MAPT: variants seen among roughly 807,000 people sequenced by gnomAD.
The protein encoded by MAPT is microtubule associated protein tau, also known as microtubule-associated protein tau.
In MAPT, 34 loss-of-function variants were observed where a neutral mutation model predicts 67.9. That is an observed-to-expected ratio of 0.50 (90% CI 0.38 to 0.67). The LOEUF (loss-of-function observed/expected upper bound fraction) is 0.67. Among genes scored for constraint, MAPT ranks in the 30% least tolerant of loss-of-function variants. The pLI, the probability that MAPT is intolerant of heterozygous loss-of-function variation, is 0.00. For synonymous variants in MAPT, 456 were observed against 464.5 expected (o/e 0.98, Z 0.23); for missense variants, 881 against 1,115.2 (o/e 0.79, Z 2.99).
chr17:45,956,593 TATATA>T (rs2069733782), intron 1 of MAPT, among the ~76,000 whole-genome samples: 1 of 14,384 alleles, frequency 7.0e-5, no homozygotes, highest in African/African-American at 1.5e-4. Context: ...TATATATATA[TATATA>T]TATTTTTTAT....
At chr17:45,909,149 T>C (rs533486823) in intron 1 of MAPT, among the ~76,000 whole-genome samples, 12 of 152,076 alleles carry the variant, frequency 7.9e-5, no homozygotes, top group South Asian at 4.2e-4. Flanking sequence ...TCTGTCGCCA[T>C]TGGGCAGCCC....
chr17:45,971,887 C>T lies in MAPT; in HGVS notation c.162C>T (p.Asp54=), dbSNP rs750428288. The T allele has an allele frequency of 1.2e-5, 19 of 1,613,896 alleles. No individual in the cohort carries two copies. The East Asian group carries it at 2.9e-4, about 25-fold the overall frequency. ...CTCCCCTGCAGACCCCCACTGAGGA[C>T]GGATCTGAGGAACCGGGCTCTGAAA... ...KESPLQTPTE[D]GSEEPGSETS... The change falls in exon 3 of 13, where the codon GAC becomes GAT. Residue 54 remains aspartate (D), a synonymous_variant. Transcript: ENST00000262410. The surrounding 1 kb of genome is among the most constrained non-coding windows in gnomAD (Gnocchi z 4.3).
intron 10 of MAPT, among the ~76,000 whole-genome samples, chr17:46,013,895 A>G: frequency 6.6e-6 from 1 of 152,112 alleles, no homozygotes; most frequent in Non-Finnish European, 1.5e-5. Flanking sequence ...TGACATTTTT[A>G]CACTTAAGCG....
intron 1 of MAPT, among the ~76,000 whole-genome samples, chr17:45,912,241 G>A (rs1353325767): frequency 6.6e-6 from 1 of 152,236 alleles, no homozygotes; most frequent in Non-Finnish European, 1.5e-5. Flanking sequence ...AATTGGCATA[G>A]GCTGCATAAT....
chr17:46,021,665 C>T (rs1351295117), intron 12 of MAPT, among the ~76,000 whole-genome samples: 2 of 152,208 alleles, frequency 1.3e-5, no homozygotes, highest in African/African-American at 4.8e-5. Context: ...ACCTACGTCC[C>T]GGGGTGGTTG....
At chr17:46,001,403 G>A (rs2074987314) in intron 9 of MAPT, among the ~76,000 whole-genome samples, 1 of 152,090 alleles carries the variant, frequency 6.6e-6, no homozygotes, top group South Asian at 2.1e-4. Flanking sequence ...TAGAAACAAA[G>A]ATAAGAGCAG....
At chr17:45,902,102 T>A (rs62056800) in intron 1 of MAPT, among the ~76,000 whole-genome samples, 21,812 of 151,926 alleles carry the variant, frequency 0.14, 2,137 homozygotes, top group Middle Eastern at 0.22. Flanking sequence ...TGAGACGGAG[T>A]CTCGCTCTAT....
intron 1 of MAPT, among the ~76,000 whole-genome samples, chr17:45,944,242 A>C (rs2068252742): frequency 6.6e-6 from 1 of 152,184 alleles, no homozygotes; most frequent in South Asian, 2.1e-4. Context: ...GCCCAGCCTC[A>C]ACAGCTAGCC....
intron 1 of MAPT, among the ~76,000 whole-genome samples, chr17:45,928,002 GAAAAAAA>G (rs35954789): frequency 9.1e-5 from 5 of 55,192 alleles, no homozygotes; most frequent in Non-Finnish European, 1.3e-4. Flanking sequence ...TCCGTCTCAG[GAAAAAAA>G]AAAAAAAAAA....
intron 1 of MAPT, among the ~76,000 whole-genome samples, chr17:45,903,922 T>C (rs1391060318): frequency 4.4e-5 from 1 of 22,482 alleles, no homozygotes; most frequent in Non-Finnish European, 7.4e-5. Context: ...TATATATTTA[T>C]ATATATTATA....
At chr17:45,999,639 G>A in intron 9 of MAPT, 1 of 1,608,698 alleles carries the variant, frequency 6.2e-7, no homozygotes, top group Middle Eastern at 1.7e-4. Flanking sequence ...TGAGGGGTGA[G>A]AGTCAGGCGA....
intron 6 of MAPT, among the ~76,000 whole-genome samples, chr17:45,989,347 C>T (rs1412740225): frequency 2.0e-5 from 3 of 152,110 alleles, no homozygotes; most frequent in Non-Finnish European, 2.9e-5. Flanking sequence ...TTTTTCATGT[C>T]CTCTTCTAAA....
At chr17:45,928,502 CG>C (rs1286198848) in intron 1 of MAPT, among the ~76,000 whole-genome samples, 1 of 152,136 alleles carries the variant, frequency 6.6e-6, no homozygotes, top group Non-Finnish European at 1.5e-5. Flanking sequence ...GGGCAAGGAC[CG>C]TACCACTGTA....
intron 5 of MAPT, among the ~76,000 whole-genome samples, chr17:45,985,046 G>A (rs901318709): frequency 6.6e-6 from 1 of 152,244 alleles, no homozygotes; most frequent in African/African-American, 2.4e-5. Context: ...GCTCACGCCT[G>A]TAATCTCAGC....
intron 1 of MAPT, 75 bp from the exon 2 acceptor site, chr17:45,962,246 G>C (rs2070512015): frequency 6.3e-6 from 8 of 1,263,392 alleles, no homozygotes; most frequent in Admixed American, 1.9e-5. Context: ...TGGGAGGAGA[G>C]GCTCCTCTCT....
In MAPT at chr17:46,010,528, G is replaced by C; in HGVS notation, c.2091+126G>C. ...TCTTGGGCTCTCAGGATCTGGCTGCGACCTCTGGGTGAATGTAGCCCGGCT... is the reference window on the plus strand; with the variant it reads ...TCTTGGGCTCTCAGGATCTGGCTGCCACCTCTGGGTGAATGTAGCCCGGCT... On this transcript the variant is annotated intron_variant, in intron 10 of 12. Transcript: ENST00000262410. The surrounding 1 kb of genome is among the most constrained non-coding windows in gnomAD (Gnocchi z 4.7). The C allele has an allele frequency of 1.3e-6, 1 of 756,996 alleles. No individual in the cohort carries two copies. The highest frequency in any genetic ancestry group is 2.7e-5 in the East Asian group (1 of 37,390). 46.9% of individuals were successfully genotyped at this position (756,996 alleles called of 1,614,324 possible). A position where few individuals can be genotyped will look rare whatever the true frequency, so the allele number is the denominator to read the frequency against.
chr17:45,922,998 G>A (rs1365422998), intron 1 of MAPT, among the ~76,000 whole-genome samples: 1 of 152,208 alleles, frequency 6.6e-6, no homozygotes, highest in African/African-American at 2.4e-5. Context: ...AACTCATCTT[G>A]TGTCTTCTTC....
chr17:45,989,170 G>A (rs1439133084), intron 6 of MAPT, among the ~76,000 whole-genome samples: 4 of 152,228 alleles, frequency 2.6e-5, no homozygotes, highest in Admixed American at 1.3e-4. Flanking sequence ...TTCAGACCCC[G>A]TGACACACTT....
Position 46,024,090 on chromosome 17 carries a change from C to T in MAPT, c.2421C>T (p.Gly807=), listed in dbSNP as rs531242177. 22 of 1,614,142 alleles carry T rather than the reference C, an allele frequency of 1.4e-5. No homozygotes were observed. The highest frequency in any genetic ancestry group is 2.2e-5 in the South Asian group (2 of 91,082). ...PRHLSNVSST[G]SIDMVDSPQL... Reference sequence around the variant, plus strand: ...ATCTCAGCAATGTCTCCTCCACCGGCAGCATCGACATGGTAGACTCGCCCC... The same window carrying T: ...ATCTCAGCAATGTCTCCTCCACCGGTAGCATCGACATGGTAGACTCGCCCC... Residue 807 remains glycine, a synonymous_variant, in exon 13 of 13, where the codon GGC becomes GGT. Coordinates refer to ENST00000262410, the MANE Select transcript of MAPT (RefSeq NM_001377265.1).
Sources: gnomAD v4.1 joint callset for allele counts (sites outside exome capture counted in the v4.1 genomes callset) on GRCh38, gnomAD v4.1.1 for gene constraint, Gnocchi (gnomAD v3.1) non-coding constraint, MANE v1.5 for transcripts, NCBI Gene and HGNC (gene_info 2026-07-23, HGNC 2026-07-21) for gene names.